ELFN2: variants seen among roughly 807,000 people sequenced by gnomAD.
The protein encoded by ELFN2 is extracellular leucine rich repeat and fibronectin type III domain containing 2.
ELFN2 carries 17 observed loss-of-function variants against 45.5 expected under a neutral mutation model. That is an observed-to-expected ratio of 0.37 (90% CI 0.26 to 0.56). The LOEUF (loss-of-function observed/expected upper bound fraction) is 0.56. Among genes scored for constraint, ELFN2 ranks in the 20% least tolerant of loss-of-function variants. The pLI is 0.77. For synonymous variants in ELFN2, 550 were observed against 551.5 expected (o/e 1.00, Z 0.04); for missense variants, 922 against 1,183.2 (o/e 0.78, Z 3.24).
intron 2 of ELFN2, among the ~76,000 whole-genome samples, chr22:37,341,221 G>A (rs932375569): frequency 1.3e-5 from 2 of 152,094 alleles, no homozygotes; most frequent in African/African-American, 2.4e-5. Context: ...GGGTCGGGTG[G>A]GCCTCTGAGG....
intron 2 of ELFN2, among the ~76,000 whole-genome samples, chr22:37,388,942 G>A (rs577355508): frequency 3.3e-4 from 50 of 152,350 alleles, no homozygotes; most frequent in Admixed American, 5.2e-4. Context: ...CGTGGGGGGC[G>A]TCCCCAGGAT....
chr22:37,378,980 T>C (rs1023559293), intron 2 of ELFN2, among the ~76,000 whole-genome samples: 17 of 152,042 alleles, frequency 1.1e-4, no homozygotes, highest in African/African-American at 4.1e-4. Context: ...CCTACTCCCA[T>C]GAGGGTGGTC....
intron 1 of ELFN2, among the ~76,000 whole-genome samples, chr22:37,422,752 C>A (rs532453880): frequency 7.2e-5 from 11 of 152,000 alleles, no homozygotes; most frequent in Admixed American, 2.0e-4. Flanking sequence ...CACCACGATG[C>A]CCGAATAATT....
At chr22:37,408,007 T>C (rs955425329) in intron 2 of ELFN2, among the ~76,000 whole-genome samples, 13 of 152,322 alleles carry the variant, frequency 8.5e-5, no homozygotes, top group African/African-American at 1.2e-4. Context: ...CTCTGTTTCA[T>C]GCACACAGCG....
intron 2 of ELFN2, among the ~76,000 whole-genome samples, chr22:37,379,923 C>T (rs1363236231): frequency 1.3e-5 from 2 of 152,322 alleles, no homozygotes; most frequent in Admixed American, 6.5e-5. Context: ...TCAGTCCCAC[C>T]CCTGCCCCCC....
At position 37,372,893 on chromosome 22, in the gene ELFN2, G is replaced by C. The variant is rs1569131344; in HGVS notation, c.*179C>G. On this transcript the variant is annotated 3_prime_UTR_variant, in exon 3 of 3. Transcript: ENST00000402918. The surrounding 1 kb of genome is among the most constrained non-coding windows in gnomAD (Gnocchi z 4.4). Reference sequence around the variant, plus strand: ...TCCTGTCCGTTATTGTCGGATGTTGGTTTGTTCACAGTCGGGTGGTGGTCA... The same window carrying C: ...TCCTGTCCGTTATTGTCGGATGTTGCTTTGTTCACAGTCGGGTGGTGGTCA... The C allele has an allele frequency of 4.7e-6, 3 of 635,136 alleles. No individual in the cohort carries two copies. Among genetic ancestry groups the C allele is most frequent in the Non-Finnish European group, 7.9e-6 (3 of 378,132 alleles). 39.3% of individuals were successfully genotyped at this position (635,136 alleles called of 1,614,324 possible). A position where few individuals can be genotyped will look rare whatever the true frequency, so the allele number is the denominator to read the frequency against.
At chr22:37,399,223 G>C (rs544735843) in intron 2 of ELFN2, among the ~76,000 whole-genome samples, 1 of 152,200 alleles carries the variant, frequency 6.6e-6, no homozygotes, top group South Asian at 2.1e-4. Context: ...TCCCCGCCCA[G>C]TGAGTGCTAC....
intron 2 of ELFN2, among the ~76,000 whole-genome samples, chr22:37,407,373 C>T (rs545462594): frequency 7.2e-5 from 11 of 152,300 alleles, no homozygotes; most frequent in African/African-American, 1.4e-4. Context: ...ATCATGCAGC[C>T]GGCTCTGTGC....
rs777862333 is a variant in ELFN2, at chr22:37,374,500, G to A, written c.1035C>T (p.Ile345=). The change falls in exon 3 of 3, where the codon ATC becomes ATT. Residue 345 remains isoleucine, a synonymous_variant. Coordinates refer to ENST00000402918, the MANE Select transcript of ELFN2 (RefSeq NM_052906.5). Reference sequence around the variant, plus strand: ...GCGCCCGCAGTTTGTCCAGCGTCACGATCTCCTTCTTGTTCTTGAGGGTCA... The same window carrying A: ...GCGCCCGCAGTTTGTCCAGCGTCACAATCTCCTTCTTGTTCTTGAGGGTCA... ...DVMTLKNKKE[I]VTLDKLRAHT... is the part of the protein sequence containing the mutation. The A allele has an allele frequency of 8.7e-6, 14 of 1,614,128 alleles. No individual in the cohort carries two copies. The Middle Eastern group carries it at 4.9e-4, about 57-fold the overall frequency.
At chr22:37,409,406 G>A (rs1271670913) in intron 2 of ELFN2, among the ~76,000 whole-genome samples, 1 of 152,168 alleles carries the variant, frequency 6.6e-6, no homozygotes, top group Non-Finnish European at 1.5e-5. Context: ...CCAAGTCCCT[G>A]GGTACTCTGT....
intron 1 of ELFN2, chr22:37,354,258 T>G (rs913200414): frequency 6.6e-5 from 10 of 152,214 alleles, no homozygotes; most frequent in Admixed American, 2.0e-4. Context: ...AAGGGCCTCA[T>G]GGAGCAGTGG....
intron 2 of ELFN2, among the ~76,000 whole-genome samples, chr22:37,404,934 C>A (rs1183936501): frequency 2.0e-5 from 3 of 152,178 alleles, no homozygotes; most frequent in Admixed American, 2.0e-4. Flanking sequence ...GCCATCCCCC[C>A]AGATCCTTAG....
In ELFN2 at chr22:37,355,112, A is replaced by G. The variant is rs557313189; in HGVS notation, n.149-12409T>C. Among the ~76,000 whole-genome samples the G allele has an allele frequency of 3.9e-5, 6 of 152,276 alleles. No homozygotes were observed. The East Asian group carries it at 1.2e-3, about 29-fold the overall frequency. ...TCTTTTCGGCGCTCTGCTGTGTTCC[A>G]TGATGGGGACAAGCCATAGCCTGTC... On this transcript the variant is annotated intron_variant and non_coding_transcript_variant, in intron 1 of 2. Transcript: ENST00000452946.
intron 2 of ELFN2, among the ~76,000 whole-genome samples, chr22:37,390,954 C>T (rs1169761882): frequency 2.0e-5 from 3 of 152,210 alleles, no homozygotes; most frequent in South Asian, 2.1e-4. Context: ...CTGAGACAGT[C>T]AAGCGAGGGG....
rs1931560561 is a variant in ELFN2, at chr22:37,375,720, G to A, written c.-186C>T. On this transcript the variant is annotated 5_prime_UTR_variant, in exon 3 of 3. Transcript: ENST00000402918. ...GGGGATCTTCTAGGGTGCTACAGCA[G>A]GCACTAGGCCTGGCTAGGGCTGGGG... is the stretch of plus-strand genomic sequence containing the variant. 1 of 703,198 alleles carries A rather than the reference G, an allele frequency of 1.4e-6. No individual in the cohort carries two copies. The highest frequency in any genetic ancestry group is 1.9e-5 in the South Asian group (1 of 51,516). 43.6% of individuals were successfully genotyped at this position (703,198 alleles called of 1,614,324 possible).
chr22:37,386,853 A>T (rs1257244879), intron 2 of ELFN2, among the ~76,000 whole-genome samples: 2 of 152,092 alleles, frequency 1.3e-5, no homozygotes, highest in African/African-American at 4.8e-5. Flanking sequence ...TTCAGCTCGA[A>T]TCCAGGCTAT....
At chr22:37,343,393 CT>C (rs1005674797) in intron 1 of ELFN2, among the ~76,000 whole-genome samples, 11 of 152,162 alleles carry the variant, frequency 7.2e-5, no homozygotes, top group African/African-American at 2.7e-4. Context: ...GCACTACACC[CT>C]CCCATTTCTT....
chr22:37,345,253 A>T (rs1413543674), intron 1 of ELFN2, among the ~76,000 whole-genome samples: 2 of 151,692 alleles, frequency 1.3e-5, no homozygotes, highest in Non-Finnish European at 2.9e-5. Context: ...CCTCCCCATC[A>T]CCTTCAGAAG....
chr22:37,399,844 G>A (rs1292628358), intron 2 of ELFN2, among the ~76,000 whole-genome samples: 1 of 152,104 alleles, frequency 6.6e-6, no homozygotes, highest in African/African-American at 2.4e-5. Context: ...CCACCTCCCC[G>A]CCATGGCCGC....
Sources: gnomAD v4.1 joint callset for allele counts (sites outside exome capture counted in the v4.1 genomes callset) on GRCh38, gnomAD v4.1.1 for gene constraint, Gnocchi (gnomAD v3.1) non-coding constraint, MANE v1.5 for transcripts, NCBI Gene and HGNC (gene_info 2026-07-23, HGNC 2026-07-21) for gene names.